The following SEMA3A variants were observed in gnomAD, a reference collection of about 807,000 sequenced individuals.
SEMA3A encodes the protein semaphorin 3A.
A neutral mutation model predicts 97.9 loss-of-function variants in SEMA3A; 29 were observed. That is an observed-to-expected ratio of 0.30 (90% confidence interval 0.22 to 0.40). SEMA3A has a LOEUF of 0.40. Ranked by LOEUF, SEMA3A falls within the 10% of genes least tolerant of loss-of-function variation. The pLI is 1.00. For missense variants in SEMA3A, 763 were observed against 951.3 expected (o/e 0.80, Z 2.60); for synonymous variants, 321 against 323.7 (o/e 0.99, Z 0.09).
intron 1 of SEMA3A, among the ~76,000 whole-genome samples, chr7:84,173,840 T>C (rs1330011115): frequency 6.6e-6 from 1 of 152,034 alleles, no homozygotes. Context: ...GAGCTCTGCC[T>C]CCTGTCAGAT....
intron 1 of SEMA3A, among the ~76,000 whole-genome samples, chr7:84,481,231 G>A (rs1339617283): frequency 6.6e-6 from 1 of 152,132 alleles, no homozygotes; most frequent in African/African-American, 2.4e-5. Flanking sequence ...TAAATCTTCA[G>A]GGACCCACTG....
chr7:84,437,565 CTT>C (rs796720398), intron 1 of SEMA3A, among the ~76,000 whole-genome samples: 18 of 131,154 alleles, frequency 1.4e-4, no homozygotes, highest in African/African-American at 2.5e-4. Flanking sequence ...CTAATGCTGG[CTT>C]TTTTTTTTTT....
intron 12 of SEMA3A, among the ~76,000 whole-genome samples, chr7:83,996,628 A>C (rs1055839846): frequency 2.0e-5 from 3 of 152,156 alleles, no homozygotes; most frequent in Admixed American, 1.3e-4. Flanking sequence ...TTTTAAAACA[A>C]AACACTTTTT....
At chr7:84,089,266 G>A (rs1481763028) in intron 4 of SEMA3A, among the ~76,000 whole-genome samples, 4 of 152,102 alleles carry the variant, frequency 2.6e-5, no homozygotes, top group Non-Finnish European at 5.9e-5. Flanking sequence ...ATATGCTGTT[G>A]TATACGCACA....
At chr7:84,062,689 C>T (rs1042821795) in intron 4 of SEMA3A, among the ~76,000 whole-genome samples, 2 of 152,326 alleles carry the variant, frequency 1.3e-5, no homozygotes, top group Non-Finnish European at 1.5e-5. Flanking sequence ...GTCACTCCCA[C>T]CCGAATACTG....
At chr7:84,462,819 A>G (rs1457159475) in intron 1 of SEMA3A, among the ~76,000 whole-genome samples, 3 of 151,910 alleles carry the variant, frequency 2.0e-5, no homozygotes, top group Non-Finnish European at 2.9e-5. Flanking sequence ...AGATAGATAG[A>G]CAGACAGATA....
chr7:84,274,382 T>G (rs551610841), intron 3 of SEMA3A, among the ~76,000 whole-genome samples: 1 of 152,016 alleles, frequency 6.6e-6, no homozygotes, highest in African/African-American at 2.4e-5. Flanking sequence ...TTCCCACAAT[T>G]AAGGGAGTAG....
At chr7:84,302,877 G>A (rs886674901) in intron 3 of SEMA3A, among the ~76,000 whole-genome samples, 2 of 152,202 alleles carry the variant, frequency 1.3e-5, no homozygotes, top group African/African-American at 4.8e-5. Context: ...ATTTCTTAAT[G>A]TAAACACTGA....
At position 84,099,222 on chromosome 7, in the gene SEMA3A, T is replaced by C. The variant is rs1001156723; in HGVS notation, c.453+11248A>G. Among the ~76,000 whole-genome samples the C allele has an allele frequency of 2.2e-3, 227 of 104,592 alleles. 4 individuals are homozygous for C. The highest frequency in any genetic ancestry group is 3.5e-3 in the Admixed American group (31 of 8,794). 68.6% of individuals were successfully genotyped at this position (104,592 alleles called of 152,430 possible). A position where few individuals can be genotyped will look rare whatever the true frequency, so the allele number is the denominator to read the frequency against. ...AGTAGCTGGGACTACAGGCGCCCGCTACCACGCCCGGCTAATTTTTTGTAT... is the reference window on the plus strand; with the variant it reads ...AGTAGCTGGGACTACAGGCGCCCGCCACCACGCCCGGCTAATTTTTTGTAT... On this transcript the variant is annotated intron_variant, in intron 4 of 16. Transcript: ENST00000265362.
intron 1 of SEMA3A, among the ~76,000 whole-genome samples, chr7:84,142,082 G>A (rs1796311923): frequency 6.6e-6 from 1 of 152,104 alleles, no homozygotes; most frequent in African/African-American, 2.4e-5. Flanking sequence ...AAGCTTCAAA[G>A]GCAGAACTAT....
At chr7:84,215,574 C>G (rs1002279143) in intron 3 of SEMA3A, among the ~76,000 whole-genome samples, 1 of 152,196 alleles carries the variant, frequency 6.6e-6, no homozygotes, top group Non-Finnish European at 1.5e-5. Flanking sequence ...TCCCCTAGCT[C>G]TATTTTAACC....
At chr7:84,325,117 CTCTATCTATCTATCTATCTATCTA>C (rs60907885) in intron 2 of SEMA3A, among the ~76,000 whole-genome samples, 11 of 149,160 alleles carry the variant, frequency 7.4e-5, no homozygotes, top group East Asian at 4.1e-4. Flanking sequence ...ATGTATATAT[CTCTATCTATCTATCTATCTATCTA>C]TCTATCTATC....
chr7:84,253,173 C>T lies in SEMA3A; in HGVS notation c.-83+54034G>A, dbSNP rs368279716. On this transcript the variant is annotated intron_variant, in intron 3 of 3. Transcript: ENST00000424555. ...GATTACGGGCATGAGCCAAGGAGCC[C>T]AGTCCTGAAGTTACTTAGAATCATG... 2.6e-5 allele frequency among the ~76,000 whole-genome samples: 4 copies of T among 152,230 alleles called. No individual in the cohort carries two copies. In the East Asian group the frequency reaches 5.8e-4, roughly 22 times the overall value.
chr7:84,120,955 T>C (rs6964546), intron 3 of SEMA3A, among the ~76,000 whole-genome samples: 122,212 of 152,056 alleles, frequency 0.8, 49,160 homozygotes, highest in East Asian at 0.93. Context: ...AGGTAATACC[T>C]ATACATGTGG....
upstream of SEMA3A, chr7:84,195,024 A>AGAGAGAAAGAGAGAGAG (rs1798179833): frequency 7.1e-6 from 1 of 140,566 alleles, no homozygotes; most frequent in African/African-American, 2.7e-5. Flanking sequence ...GAGAGAGAGA[A>AGAGAGAAAGAGAGAGAG]AGAGAGAGAG....
intron 4 of SEMA3A, among the ~76,000 whole-genome samples, chr7:84,093,344 T>C (rs1398817217): frequency 6.6e-6 from 1 of 152,218 alleles, no homozygotes; most frequent in Non-Finnish European, 1.5e-5. Flanking sequence ...ATTTATTTAC[T>C]CATCTGACTT....
chr7:84,341,443 T>A (rs1463592865), intron 2 of SEMA3A, among the ~76,000 whole-genome samples: 1 of 152,106 alleles, frequency 6.6e-6, no homozygotes, highest in African/African-American at 2.4e-5. Context: ...AATTTTTTTC[T>A]AAATTAAAAA....
intron 14 of SEMA3A, among the ~76,000 whole-genome samples, chr7:83,979,421 G>A (rs940735637): frequency 2.0e-5 from 3 of 151,914 alleles, no homozygotes; most frequent in South Asian, 2.1e-4. Context: ...TGTGAGCCAC[G>A]GTGTCGGGCT....
chr7:84,439,234 G>A (rs545924404), intron 1 of SEMA3A, among the ~76,000 whole-genome samples: 14 of 152,116 alleles, frequency 9.2e-5, no homozygotes, highest in African/African-American at 3.4e-4. Flanking sequence ...TAAGAATTTA[G>A]AGAGGGAGAA....
Sources: allele counts gnomAD v4.1 joint callset (sites outside exome capture counted in the v4.1 genomes callset), GRCh38; gene constraint gnomAD v4.1.1; transcripts MANE v1.5; gene names NCBI Gene and HGNC (gene_info 2026-07-23, HGNC 2026-07-21).